OPCML: variants seen among roughly 807,000 people sequenced by gnomAD.
OPCML encodes the protein opioid-binding protein/cell adhesion molecule.
In OPCML, 13 loss-of-function variants were observed where a neutral mutation model predicts 37.8. That is an observed-to-expected ratio of 0.34 (90% CI 0.22 to 0.55). The LOEUF (loss-of-function observed/expected upper bound fraction) is 0.55. OPCML is among the 20% of genes least tolerant of loss of function. OPCML has a pLI of 0.91. For synonymous variants in OPCML, 176 were observed against 168.8 expected, an observed-to-expected ratio of 1.04 and a Z score of -0.33; for missense variants, 341 against 435.6, an observed-to-expected ratio of 0.78 and a Z score of 1.93.
chr11:132,729,112 G>A (rs571332343), intron 2 of OPCML, among the ~76,000 whole-genome samples: 24 of 152,298 alleles, frequency 1.6e-4, no homozygotes, highest in African/African-American at 5.5e-4. Flanking sequence ...TGCCACCGAT[G>A]GAAGAGAGAA....
At chr11:132,875,106 G>C (rs1467093793) in intron 2 of OPCML, among the ~76,000 whole-genome samples, 2 of 152,174 alleles carry the variant, frequency 1.3e-5, no homozygotes, top group African/African-American at 4.8e-5. Flanking sequence ...TATGCACTTT[G>C]AAATCTATGA....
At chr11:133,087,372 CA>C (rs1235088684) in intron 1 of OPCML, among the ~76,000 whole-genome samples, 3 of 152,120 alleles carry the variant, frequency 2.0e-5, no homozygotes, top group Middle Eastern at 3.2e-3. Context: ...GTTTGGAGCA[CA>C]AATGACCCAG....
Position 132,783,326 on chromosome 11 carries a change from TCCAATACATGAGA to T in OPCML, c.147-126020_147-126008del, listed in dbSNP as rs1240126434. 7.4e-4 allele frequency among the ~76,000 whole-genome samples: 112 copies of T among 152,152 alleles called. 1 individual carries two copies. Among genetic ancestry groups the T allele is most frequent in the African/African-American group, 2.6e-3 (108 of 41,514 alleles). The stretch of plus-strand genomic sequence containing the variant: ...TTCCATGTGACGTGCCCTTTACTCT[TCCAATACATGAGA>T]CCTTTTGCTTTAGTGGGGTTAAGTC... On this transcript the variant is annotated intron_variant, in intron 2 of 7. Transcript: ENST00000524381.
intron 1 of OPCML, among the ~76,000 whole-genome samples, chr11:133,038,384 A>T (rs1254302860): frequency 6.6e-6 from 1 of 152,246 alleles, no homozygotes. Context: ...TATCTATAAA[A>T]TGTGGGAAAA....
intron 1 of OPCML, among the ~76,000 whole-genome samples, chr11:133,184,091 T>C (rs1214736861): frequency 1.3e-5 from 2 of 152,150 alleles, no homozygotes; most frequent in Non-Finnish European, 2.9e-5. Context: ...CTGACCCTAA[T>C]CCTGCAGCAA....
At chr11:132,828,819 A>G (rs1462677520) in intron 2 of OPCML, among the ~76,000 whole-genome samples, 3 of 152,100 alleles carry the variant, frequency 2.0e-5, no homozygotes, top group Non-Finnish European at 4.4e-5. Context: ...GAATTTCCCA[A>G]AAAGTGCCTA....
chr11:133,420,116 C>T (rs992429181), intron 1 of OPCML: 1 of 296,876 alleles, frequency 3.4e-6, no homozygotes. Context: ...AAATACCGTG[C>T]TAGAGATCCT....
At chr11:132,920,888 C>T (rs768368189) in intron 2 of OPCML, among the ~76,000 whole-genome samples, 10 of 152,146 alleles carry the variant, frequency 6.6e-5, no homozygotes, top group African/African-American at 1.4e-4. Flanking sequence ...TCATTAATCT[C>T]GGCTATCTCC....
At chr11:132,992,036 T>G (rs1946790373) in intron 1 of OPCML, among the ~76,000 whole-genome samples, 1 of 152,134 alleles carries the variant, frequency 6.6e-6, no homozygotes, top group Non-Finnish European at 1.5e-5. Context: ...CATGGATCTT[T>G]AAGGAGTAGG....
intron 1 of OPCML, among the ~76,000 whole-genome samples, chr11:133,264,928 T>C (rs1296290704): frequency 6.6e-6 from 1 of 152,186 alleles, no homozygotes; most frequent in Non-Finnish European, 1.5e-5. Context: ...TCTACCACCT[T>C]TACAGGTTTA....
At chr11:132,544,779 G>T (rs1159008173) in intron 3 of OPCML, among the ~76,000 whole-genome samples, 1 of 152,118 alleles carries the variant, frequency 6.6e-6, no homozygotes, top group Non-Finnish European at 1.5e-5. Flanking sequence ...AAGCTGGGTC[G>T]TCATTTCCCA....
intron 4 of OPCML, among the ~76,000 whole-genome samples, chr11:132,496,113 T>C (rs1022956346): frequency 2.0e-5 from 3 of 152,084 alleles, no homozygotes; most frequent in African/African-American, 7.2e-5. Flanking sequence ...CAAATCTGAA[T>C]TCCCCCCACT....
intron 1 of OPCML, among the ~76,000 whole-genome samples, chr11:133,228,381 A>G (rs1940133158): frequency 6.6e-6 from 1 of 152,246 alleles, no homozygotes; most frequent in South Asian, 2.1e-4. Context: ...CACAGCATAC[A>G]TAAACACTTA....
At chr11:132,500,664 C>A (rs1490317562) in intron 4 of OPCML, among the ~76,000 whole-genome samples, 1 of 152,058 alleles carries the variant, frequency 6.6e-6, no homozygotes, top group East Asian at 1.9e-4. Context: ...CACCTATCAA[C>A]CCATGCATTA....
chr11:132,568,049 C>CGT (rs1401609406), intron 3 of OPCML, among the ~76,000 whole-genome samples: 10 of 148,600 alleles, frequency 6.7e-5, no homozygotes, highest in South Asian at 2.1e-4. Flanking sequence ...TGTGCGCGCG[C>CGT]GCGCGTGTGT....
chr11:132,717,961 A>G (rs556913200), intron 2 of OPCML, among the ~76,000 whole-genome samples: 1 of 152,390 alleles, frequency 6.6e-6, no homozygotes, highest in South Asian at 2.1e-4. Context: ...ACTGAAGAGT[A>G]ATCCTGTGGT....
intron 1 of OPCML, among the ~76,000 whole-genome samples, chr11:133,246,289 A>C (rs1343262989): frequency 6.6e-6 from 1 of 152,192 alleles, no homozygotes; most frequent in Non-Finnish European, 1.5e-5. Context: ...GTACCCTTTA[A>C]ACTGTTCACA....
intron 1 of OPCML, among the ~76,000 whole-genome samples, chr11:133,104,310 T>C (rs1311871371): frequency 1.3e-5 from 2 of 152,172 alleles, no homozygotes; most frequent in Non-Finnish European, 2.9e-5. Flanking sequence ...CCCCATCCCT[T>C]CATTAGACCG....
chr11:133,412,170 C>CT (rs1945665626), intron 1 of OPCML, among the ~76,000 whole-genome samples: 1 of 152,152 alleles, frequency 6.6e-6, no homozygotes, highest in Non-Finnish European at 1.5e-5. Context: ...CTCCAAAGCA[C>CT]TTTCATCATA....
Sources: allele counts gnomAD v4.1 joint callset (sites outside exome capture counted in the v4.1 genomes callset), GRCh38; gene constraint gnomAD v4.1.1; transcripts MANE v1.5; gene names NCBI Gene and HGNC (gene_info 2026-07-23, HGNC 2026-07-21).